Variants in ADAM12 observed in about 807,000 individuals in gnomAD.
The protein encoded by ADAM12 is disintegrin and metalloproteinase domain-containing protein 12.
In ADAM12, 70 loss-of-function variants were observed where a neutral mutation model predicts 106.4. That is an observed-to-expected ratio of 0.66 (90% CI 0.54 to 0.80). ADAM12 has a LOEUF of 0.80. Among genes scored for constraint, ADAM12 ranks in the 30% least tolerant of loss-of-function variants. The probability of loss-of-function intolerance (pLI) is 0.00; values close to 1 mark genes in which losing one functional copy is unlikely to be tolerated. For missense variants in ADAM12, 1,010 were observed against 1,171.9 expected (o/e 0.86, Z 2.02); for synonymous variants, 420 against 433.5 (o/e 0.97, Z 0.39).
At chr10:126,051,520 T>G (rs71494312) in intron 14 of ADAM12, among the ~76,000 whole-genome samples, 25,933 of 138,230 alleles carry the variant, frequency 0.19, 3,013 homozygotes, top group Middle Eastern at 0.33. Context: ...CATCCATCCA[T>G]CCAGCCAGCC....
chr10:126,125,778 G>A (rs1054664533), intron 5 of ADAM12, among the ~76,000 whole-genome samples: 1 of 151,886 alleles, frequency 6.6e-6, no homozygotes, highest in African/African-American at 2.4e-5. Flanking sequence ...ATCTCAAGAT[G>A]AGATTGTCCT....
chr10:126,127,392 T>C (rs1241599583), intron 5 of ADAM12, among the ~76,000 whole-genome samples: 1 of 152,206 alleles, frequency 6.6e-6, no homozygotes, highest in Non-Finnish European at 1.5e-5. Context: ...AAAAAGTGGA[T>C]TGGCCAAAAT....
At chr10:126,177,414 C>G (rs924875631) in intron 3 of ADAM12, among the ~76,000 whole-genome samples, 1 of 152,084 alleles carries the variant, frequency 6.6e-6, no homozygotes, top group Non-Finnish European at 1.5e-5. Context: ...CTTAAAAAGA[C>G]TTAGAAGGTC....
intron 1 of ADAM12, among the ~76,000 whole-genome samples, chr10:126,344,827 C>G (rs890199905): frequency 6.6e-6 from 1 of 152,080 alleles, no homozygotes; most frequent in African/African-American, 2.4e-5. Flanking sequence ...CTCTGTTTGT[C>G]TGTTATTGGT....
intron 1 of ADAM12, among the ~76,000 whole-genome samples, chr10:126,368,934 G>A (rs1301935059): frequency 6.6e-6 from 1 of 152,094 alleles, no homozygotes; most frequent in Admixed American, 6.5e-5. Flanking sequence ...ATAAGAACAA[G>A]CTAAAATTAA....
chr10:126,063,799 G>A (rs1422582992), intron 14 of ADAM12, among the ~76,000 whole-genome samples: 2 of 152,226 alleles, frequency 1.3e-5, no homozygotes, highest in Non-Finnish European at 2.9e-5. Flanking sequence ...GGGTGACGGG[G>A]CCTTGGAGTC....
intron 2 of ADAM12, among the ~76,000 whole-genome samples, chr10:126,319,235 C>T (rs1364472315): frequency 6.6e-6 from 1 of 152,156 alleles, no homozygotes; most frequent in Non-Finnish European, 1.5e-5. Flanking sequence ...TGCAGCGTAA[C>T]TCCCCACTCC....
In ADAM12 at chr10:126,317,266, T is replaced by C. The variant is rs112786813; in HGVS notation, c.186+13146A>G. Among the ~76,000 whole-genome samples the C allele has an allele frequency of 6.3e-3, 960 of 152,298 alleles. 11 individuals are homozygous for C. The highest frequency in any genetic ancestry group is 0.022 in the African/African-American group (894 of 41,566). ...AACACAGCCAAGCTAATGGCTCCCATGGAAACGGGAAATCTTAATAGAGAC... is the reference window on the plus strand; with the variant it reads ...AACACAGCCAAGCTAATGGCTCCCACGGAAACGGGAAATCTTAATAGAGAC... On this transcript the variant is annotated intron_variant, in intron 2 of 22. Transcript: ENST00000448723.
At chr10:126,041,625 ATAAAT>A in intron 18 of ADAM12, 2 of 987,088 alleles carry the variant, frequency 2.0e-6, no homozygotes, top group South Asian at 9.4e-5. Flanking sequence ...AGGGTCTCTG[ATAAAT>A]TAAAAACTAA....
chr10:126,330,619 C>T (rs1203441483), intron 1 of ADAM12, 110 bp from the exon 2 acceptor site: 1 of 923,464 alleles, frequency 1.1e-6, no homozygotes, highest in East Asian at 2.5e-5. Context: ...TTAAATAAGC[C>T]CAGGGAAACA....
chr10:126,326,119 T>C (rs1188389328), intron 2 of ADAM12, among the ~76,000 whole-genome samples: 3 of 152,158 alleles, frequency 2.0e-5, no homozygotes, highest in Non-Finnish European at 4.4e-5. Flanking sequence ...CCGAATCGAC[T>C]TGACCAGCAA....
At chr10:126,155,356 T>C in intron 3 of ADAM12, 51 bp from the exon 4 acceptor site, 1 of 1,506,112 alleles carries the variant, frequency 6.6e-7, no homozygotes, top group Non-Finnish European at 9.2e-7. Flanking sequence ...ATTGCATTGA[T>C]ACATTGTTGT....
intron 4 of ADAM12, among the ~76,000 whole-genome samples, chr10:126,138,531 C>A (rs1285681482): frequency 6.6e-6 from 1 of 152,112 alleles, no homozygotes; most frequent in African/African-American, 2.4e-5. Flanking sequence ...CATGCCATCA[C>A]ACCCAGCTAA....
chr10:126,202,998 G>A (rs978760426), intron 3 of ADAM12, among the ~76,000 whole-genome samples: 12 of 152,198 alleles, frequency 7.9e-5, no homozygotes. Context: ...AGGGGAAATT[G>A]TGTACAAAGT....
At chr10:126,138,247 T>C (rs575928933) in intron 4 of ADAM12, among the ~76,000 whole-genome samples, 1 of 152,250 alleles carries the variant, frequency 6.6e-6, no homozygotes, top group Non-Finnish European at 1.5e-5. Context: ...AATTGGATTT[T>C]GGTGTTTTTA....
At chr10:126,019,887 G>C (rs2133373064) in intron 21 of ADAM12, 62 bp from the exon 22 acceptor site, 5 of 1,522,014 alleles carry the variant, frequency 3.3e-6, no homozygotes, top group East Asian at 2.4e-5. Context: ...CCCCTGAGAA[G>C]CAGGGCCTGC....
chr10:126,099,351 C>T (rs1955615449), intron 9 of ADAM12, among the ~76,000 whole-genome samples: 1 of 151,788 alleles, frequency 6.6e-6, no homozygotes, highest in Non-Finnish European at 1.5e-5. Context: ...TATATAAAAC[C>T]TTCTCCCTCC....
intron 4 of ADAM12, among the ~76,000 whole-genome samples, chr10:126,136,308 T>G (rs1189149510): frequency 2.0e-5 from 3 of 152,210 alleles, no homozygotes; most frequent in African/African-American, 7.2e-5. Context: ...ACTTCCTTAG[T>G]GAAGACAGAT....
At chr10:126,120,906 TAA>T (rs1256202655) in intron 5 of ADAM12, among the ~76,000 whole-genome samples, 1 of 139,052 alleles carries the variant, frequency 7.2e-6, no homozygotes, top group Non-Finnish European at 1.5e-5. Context: ...ATATATTATA[TAA>T]TATATATGCA....
Sources: gnomAD v4.1 joint callset for allele counts (sites outside exome capture counted in the v4.1 genomes callset) on GRCh38, gnomAD v4.1.1 for gene constraint, MANE v1.5 for transcripts, NCBI Gene and HGNC (gene_info 2026-07-23, HGNC 2026-07-21) for gene names.